The following SLC19A2 variants were observed in gnomAD, a reference collection of about 807,000 sequenced individuals.
SLC19A2 encodes solute carrier family 19 member 2, also known as thiamine transporter 1.
In SLC19A2, 27 loss-of-function variants were observed where a neutral mutation model predicts 44.7. That is an observed-to-expected ratio of 0.60 (90% CI 0.45 to 0.83). The LOEUF is 0.83. SLC19A2 is among the 40% of genes least tolerant of loss of function. SLC19A2 has a pLI of 0.00. For missense variants in SLC19A2, 566 were observed against 613.7 expected (o/e 0.92, Z 0.82); for synonymous variants, 239 against 243.6 (o/e 0.98, Z 0.18).
intron 2 of SLC19A2, among the ~76,000 whole-genome samples, chr1:169,473,538 G>A (rs1658243760): frequency 6.6e-6 from 1 of 151,846 alleles, no homozygotes; most frequent in Non-Finnish European, 1.5e-5. Flanking sequence ...GAGTCACCAT[G>A]CCCAGCCTGA....
chr1:169,471,124 G>T (rs1658165856), intron 2 of SLC19A2, among the ~76,000 whole-genome samples: 2 of 150,244 alleles, frequency 1.3e-5, no homozygotes, highest in South Asian at 4.2e-4. Context: ...CAAAATGAGA[G>T]CCATGGAAAG....
chr1:169,478,610 G>A (rs1458119688), intron 1 of SLC19A2, among the ~76,000 whole-genome samples: 1 of 134,016 alleles, frequency 7.5e-6, no homozygotes, highest in African/African-American at 2.8e-5. Flanking sequence ...TGGGCTCAAA[G>A]CAATCCACCA....
intron 1 of SLC19A2, among the ~76,000 whole-genome samples, chr1:169,483,472 C>A (rs372540767): frequency 1.3e-5 from 2 of 152,132 alleles, no homozygotes; most frequent in Non-Finnish European, 2.9e-5. Flanking sequence ...TGAGAAGACA[C>A]CCCTTCCCCA....
In SLC19A2 at chr1:169,470,736, T is replaced by C. The variant is rs534799180; in HGVS notation, c.808-550A>G. On this transcript the variant is annotated intron_variant, in intron 2 of 5. Coordinates refer to ENST00000236137, the MANE Select transcript of SLC19A2 (RefSeq NM_006996.3). Reference sequence around the variant, plus strand: ...TTTATATTACTTAATATTTAAACAATGAGAAATAGTATTATAATAAAGTAA... The same window carrying C: ...TTTATATTACTTAATATTTAAACAACGAGAAATAGTATTATAATAAAGTAA... 1.2e-4 allele frequency among the ~76,000 whole-genome samples: 18 copies of C among 152,166 alleles called. No homozygotes were observed. In the South Asian group the frequency reaches 2.9e-3, roughly 25 times the overall value.
At chr1:169,476,744 A>C (rs996386893) in intron 2 of SLC19A2, among the ~76,000 whole-genome samples, 1 of 151,998 alleles carries the variant, frequency 6.6e-6, no homozygotes, top group African/African-American at 2.4e-5. Context: ...TAATAATAAT[A>C]ATTTGGGCTT....
In SLC19A2 at chr1:169,485,849, C is replaced by T. The variant is rs890763806; in HGVS notation, c.-83G>A. 19 of 1,399,218 alleles carry T rather than the reference C, an allele frequency of 1.4e-5. No individual in the cohort carries two copies. The highest frequency in any genetic ancestry group is 1.2e-4 in the African/African-American group (8 of 69,048). 86.7% of individuals were successfully genotyped at this position (1,399,218 alleles called of 1,614,324 possible). A position where few individuals can be genotyped will look rare whatever the true frequency, so the allele number is the denominator to read the frequency against. Reference sequence around the variant, plus strand: ...TGGAGTGAGGGTCAGGCACTTGTAACCGCGAGTGACGCCTTCTCCCTGTAA... The same window carrying T: ...TGGAGTGAGGGTCAGGCACTTGTAATCGCGAGTGACGCCTTCTCCCTGTAA... On this transcript the variant is annotated 5_prime_UTR_variant, in exon 1 of 6. Transcript: ENST00000236137.
At position 169,470,114 on chromosome 1, in the gene SLC19A2, G is replaced by C. The variant is rs1489596710; in HGVS notation, c.880C>G (p.Pro294Ala). The change falls in exon 3 of 6, where the codon CCT becomes GCT. Residue 294 changes from proline (P) to alanine (A), a missense_variant. Coordinates refer to ENST00000236137, the MANE Select transcript of SLC19A2 (RefSeq NM_006996.3). ...NDFLMCYSSR[P>A]LLCWSVWWAL... ...CACCACACAGACCAGCAGAGAAGAG[G>C]GCGAGAGGAGTAGCACATCAGGAAA... The C allele has an allele frequency of 1.9e-6, 3 of 1,614,094 alleles. No homozygotes were observed. Among genetic ancestry groups the C allele is most frequent in the Middle Eastern group, 3.3e-4 (2 of 6,060 alleles).
chr1:169,470,076 G>A lies in SLC19A2; in HGVS notation c.918C>T (p.Thr306=), dbSNP rs1321174140. ...AGTTCACAACTTGAAAATAGCCACA[G>A]GTAGAGAGGGCCCACCACACAGACC... The part of the protein sequence containing the change: ...LCWSVWWALS[T]CGYFQVVNYT... Residue 306 remains threonine, a synonymous_variant, in exon 3 of 6, where the codon ACC becomes ACT. Coordinates refer to ENST00000236137, the MANE Select transcript of SLC19A2 (RefSeq NM_006996.3). 1.9e-6 allele frequency: 3 copies of A among 1,614,034 alleles called. No individual in the cohort carries two copies. Among genetic ancestry groups the A allele is most frequent in the Non-Finnish European group, 2.5e-6 (3 of 1,179,954 alleles).
chr1:169,480,224 G>C (rs1207462551), intron 1 of SLC19A2, among the ~76,000 whole-genome samples: 1 of 152,168 alleles, frequency 6.6e-6, no homozygotes, highest in Non-Finnish European at 1.5e-5. Flanking sequence ...AACCAAAGCA[G>C]GTAAGGGTAA....
chr1:169,485,434 C>T (rs1658533455), intron 1 of SLC19A2, 129 bp downstream of exon 1: 1 of 1,052,712 alleles, frequency 9.5e-7, no homozygotes, highest in Admixed American at 2.0e-5. Context: ...CGAAGCCGAC[C>T]TCCAACTGGC....
chr1:169,469,088 G>A, intron 3 of SLC19A2: 1 of 475,066 alleles, frequency 2.1e-6, no homozygotes, highest in African/African-American at 2.0e-5. Context: ...AAAGACACAG[G>A]GACATTGCTA....
intron 2 of SLC19A2, among the ~76,000 whole-genome samples, chr1:169,475,028 C>T (rs532746253): frequency 6.6e-6 from 1 of 152,060 alleles, no homozygotes; most frequent in East Asian, 2.0e-4. Context: ...GCATAAGTTG[C>T]TAATCTCTGA....
intron 1 of SLC19A2, among the ~76,000 whole-genome samples, chr1:169,481,662 T>C (rs974673678): frequency 6.6e-6 from 1 of 152,248 alleles, no homozygotes; most frequent in African/African-American, 2.4e-5. Flanking sequence ...TACTCCAACT[T>C]CTCACTTCAC....
Position 169,485,931 on chromosome 1 carries a change from C to G in SLC19A2, c.-165G>C. On this transcript the variant is annotated 5_prime_UTR_variant, in exon 1 of 6. Coordinates refer to ENST00000236137, the MANE Select transcript of SLC19A2 (RefSeq NM_006996.3). Reference sequence around the variant, plus strand: ...CGGCTACAGAACCCCCAGCTTTACCCTACAGACGCCTCTAGGGTCGCTGCC... The same window carrying G: ...CGGCTACAGAACCCCCAGCTTTACCGTACAGACGCCTCTAGGGTCGCTGCC... 1 of 807,540 alleles carries G rather than the reference C, an allele frequency of 1.2e-6. No individual in the cohort carries two copies. Among genetic ancestry groups the G allele is most frequent in the East Asian group, 2.7e-5 (1 of 37,004 alleles). The allele number at this position is 807,540 out of a possible 1,614,324, so 50.0% of individuals were successfully genotyped here. A position where few individuals can be genotyped will look rare whatever the true frequency, so the allele number is the denominator to read the frequency against.
rs554064810 is a variant in SLC19A2, at chr1:169,474,617, T to C, written c.807+2538A>G. 5.1e-4 allele frequency among the ~76,000 whole-genome samples: 78 copies of C among 152,282 alleles called. No individual in the cohort carries two copies. The South Asian group carries it at 7.5e-3, about 15-fold the overall frequency. ...TAGACTCCTCTTACTTCATTTTCTC[T>C]TTCTATAAAAATCAAGATAAAACCA... On this transcript the variant is annotated intron_variant, in intron 2 of 5. Coordinates refer to ENST00000236137, the MANE Select transcript of SLC19A2 (RefSeq NM_006996.3).
At chr1:169,471,698 G>GTATA (rs1553212203) in intron 2 of SLC19A2, among the ~76,000 whole-genome samples, 1 of 146,878 alleles carries the variant, frequency 6.8e-6, no homozygotes, top group Admixed American at 6.8e-5. Context: ...GTGTGTGTGT[G>GTATA]TATATATACA....
At chr1:169,473,460 C>T (rs6695137) in intron 2 of SLC19A2, among the ~76,000 whole-genome samples, 38,615 of 150,272 alleles carry the variant, frequency 0.26, 6,099 homozygotes, top group Non-Finnish European at 0.36. Context: ...TGGCAAGGCT[C>T]GTCTCGAACT....
intron 3 of SLC19A2, chr1:169,469,114 G>T: frequency 2.4e-6 from 1 of 410,386 alleles, no homozygotes; most frequent in Non-Finnish European, 4.4e-6. Context: ...AAAAAATGCT[G>T]CAGCTGAAGC....
intron 1 of SLC19A2, among the ~76,000 whole-genome samples, chr1:169,481,479 A>G (rs1346008966): frequency 2.0e-5 from 3 of 152,222 alleles, no homozygotes; most frequent in Non-Finnish European, 4.4e-5. Flanking sequence ...GGCATTCATG[A>G]AGAGATAAAG....
Sources: allele counts gnomAD v4.1 joint callset (sites outside exome capture counted in the v4.1 genomes callset), GRCh38; gene constraint gnomAD v4.1.1; transcripts MANE v1.5; gene names NCBI Gene and HGNC (gene_info 2026-07-23, HGNC 2026-07-21).